The following KDM5A variants were observed in gnomAD, a reference collection of about 807,000 sequenced individuals.
KDM5A encodes lysine-specific demethylase 5A.
Under a neutral mutation model 193.5 loss-of-function variants are expected in KDM5A, and 42 were observed. That is an observed-to-expected ratio of 0.22 (90% CI 0.17 to 0.28). The LOEUF (loss-of-function observed/expected upper bound fraction) is 0.28. KDM5A is among the 10% of genes least tolerant of loss of function. The pLI is 1.00. For missense variants in KDM5A, 1,692 were observed against 2,055.1 expected (o/e 0.82, Z 3.42); for synonymous variants, 796 against 718.1 (o/e 1.11, Z -1.73).
chr12:371,944 T>C (rs1367479692), intron 3 of KDM5A, among the ~76,000 whole-genome samples: 1 of 152,230 alleles, frequency 6.6e-6, no homozygotes, highest in South Asian at 2.1e-4. Context: ...CTCTGTTCTG[T>C]TCCATTGGTC....
chr12:314,697 G>A lies in KDM5A; in HGVS notation c.2898-1503C>T, dbSNP rs372675082. 2.3e-4 allele frequency among the ~76,000 whole-genome samples: 35 copies of A among 152,250 alleles called. No individual in the cohort carries two copies. The South Asian group carries it at 6.8e-3, about 30-fold the overall frequency. ...GAACAAGACTTAATCTGGAAAGCTGGGGCCAGGGGCAGGGTAGGGTTGGTA... is the reference window on the plus strand; with the variant it reads ...GAACAAGACTTAATCTGGAAAGCTGAGGCCAGGGGCAGGGTAGGGTTGGTA... On this transcript the variant is annotated intron_variant, in intron 19 of 27. Transcript: ENST00000399788.
intron 10 of KDM5A, among the ~76,000 whole-genome samples, chr12:349,330 C>CTTTTT (rs749540223): frequency 8.5e-6 from 1 of 117,696 alleles, no homozygotes. Flanking sequence ...ATCTTCTAGA[C>CTTTTT]TTTTTTTTTT....
intron 10 of KDM5A, 116 bp from the exon 11 acceptor site, chr12:334,538 T>C (rs1258963442): frequency 4.0e-6 from 3 of 740,932 alleles, no homozygotes; most frequent in African/African-American, 3.5e-5. Context: ...GTCTAGTGCA[T>C]ACAATCTGTG....
intron 5 of KDM5A, among the ~76,000 whole-genome samples, chr12:360,440 G>C (rs958208610): frequency 6.6e-6 from 1 of 152,180 alleles, no homozygotes. Context: ...CAGAATATAA[G>C]GAGGAAAACC....
At position 285,682 on chromosome 12, in the gene KDM5A, G is replaced by A; in HGVS notation, c.4867-20C>T. 2.5e-6 allele frequency: 4 copies of A among 1,601,012 alleles called. No individual in the cohort carries two copies. The highest frequency in any genetic ancestry group is 3.4e-6 in the Non-Finnish European group (4 of 1,168,224). ...GTCTACCTGTAGGAAACAAGATTGG[G>A]GAATGTTTAGGTTACATAAACATTA... On this transcript the variant is annotated intron_variant, in intron 27 of 27. Coordinates refer to ENST00000399788, the MANE Select transcript of KDM5A (RefSeq NM_001042603.3).
At chr12:366,613 T>C (rs147714239) in intron 3 of KDM5A, among the ~76,000 whole-genome samples, 1,642 of 152,140 alleles carry the variant, frequency 0.011, 14 homozygotes, top group Middle Eastern at 0.027. Context: ...AGGGCAAGAG[T>C]TTTATATGGA....
chr12:322,704 T>A (rs1435300068), intron 16 of KDM5A, 137 bp from the exon 17 acceptor site: 3 of 742,704 alleles, frequency 4.0e-6, no homozygotes, highest in Non-Finnish European at 6.8e-6. Flanking sequence ...CAAACAGCTG[T>A]GAAAATCTCA....
intron 18 of KDM5A, among the ~76,000 whole-genome samples, chr12:320,427 C>T (rs1404816171): frequency 3.3e-5 from 5 of 152,010 alleles, no homozygotes; most frequent in Non-Finnish European, 7.4e-5. Context: ...ACCCAGGAGG[C>T]AGAGGTTGCA....
At position 334,239 on chromosome 12, in the gene KDM5A, A is replaced by G. The variant is rs555625145; in HGVS notation, c.1490+2T>C. ...GCATGCTGTATTTTAGACTGTACAT[A>G]CCAGTGCAAGTAGTTGATGGAATAA... On this transcript the variant is annotated splice_donor_variant, in intron 11 of 27. Coordinates refer to ENST00000399788, the MANE Select transcript of KDM5A (RefSeq NM_001042603.3). LOFTEE classifies it high-confidence loss of function. 1.2e-6 allele frequency: 2 copies of G among 1,613,416 alleles called. No homozygotes were observed. Among genetic ancestry groups the G allele is most frequent in the South Asian group, 2.2e-5 (2 of 91,074 alleles).
At chr12:335,096 T>C (rs889546732) in intron 10 of KDM5A, among the ~76,000 whole-genome samples, 2 of 151,886 alleles carry the variant, frequency 1.3e-5, no homozygotes, top group East Asian at 1.9e-4. Flanking sequence ...CTAGAAATAC[T>C]GGATAAATTA....
At chr12:343,529 G>C (rs907905867) in intron 10 of KDM5A, among the ~76,000 whole-genome samples, 2 of 152,104 alleles carry the variant, frequency 1.3e-5, no homozygotes, top group Non-Finnish European at 2.9e-5. Flanking sequence ...ACTTCATATA[G>C]ACAGCTGCCA....
chr12:293,188 A>G lies in KDM5A; in HGVS notation c.4456-19T>C. The G allele has an allele frequency of 6.2e-7, 1 of 1,601,146 alleles. No individual in the cohort carries two copies. Among genetic ancestry groups the G allele is most frequent in the Non-Finnish European group, 8.5e-7 (1 of 1,170,156 alleles). ...TGTCATCCTTCAAAAATATAAATTT[A>G]GGAACAATTTTAAAGCAAGACAGTT... is the stretch of plus-strand genomic sequence containing the variant. On this transcript the variant is annotated intron_variant, in intron 26 of 27. Transcript: ENST00000399788.
In KDM5A at chr12:293,139, C is replaced by G; in HGVS notation, c.4486G>C (p.Val1496Leu). ...DDSMEEKPLKVKGKDSSEKKR... is the reference protein window; with the variant it reads ...DDSMEEKPLKLKGKDSSEKKR... ...TTCTCTGAAGAGTCCTTTCCTTTCA[C>G]TTTTAGTGGTTTCTCTTCCATGCTG... Residue 1496 changes from valine to leucine, a missense_variant, in exon 27 of 28, where the codon GTG (valine) becomes CTG (leucine). Transcript: ENST00000399788. 1 of 1,611,514 alleles carries G rather than the reference C, an allele frequency of 6.2e-7. No individual in the cohort carries two copies. Among genetic ancestry groups the G allele is most frequent in the Non-Finnish European group, 8.5e-7 (1 of 1,179,454 alleles).
intron 10 of KDM5A, among the ~76,000 whole-genome samples, chr12:344,097 G>C (rs1253917056): frequency 6.6e-6 from 1 of 152,144 alleles, no homozygotes; most frequent in East Asian, 1.9e-4. Context: ...GAAAACCATG[G>C]GACGAGAACT....
In KDM5A at chr12:285,401, C is replaced by G; in HGVS notation, c.*55G>C. The stretch of plus-strand genomic sequence containing the variant: ...GGATATAAACCACTCTACTTGATGA[C>G]TAAGGTCTCAATGTGGTCCATGTCC... On this transcript the variant is annotated 3_prime_UTR_variant, in exon 28 of 28. Coordinates refer to ENST00000399788, the MANE Select transcript of KDM5A (RefSeq NM_001042603.3). The G allele has an allele frequency of 6.8e-7, 1 of 1,463,566 alleles. No homozygotes were observed. Among genetic ancestry groups the G allele is most frequent in the South Asian group, 1.1e-5 (1 of 87,822 alleles). The allele number at this position is 1,463,566 out of a possible 1,614,324, so 90.7% of individuals were successfully genotyped here.
chr12:361,489 C>T (rs537337266), intron 5 of KDM5A, among the ~76,000 whole-genome samples: 30 of 152,208 alleles, frequency 2.0e-4, no homozygotes, highest in African/African-American at 6.3e-4. Flanking sequence ...CCACCATGCC[C>T]GGCCTGTAGT....
chr12:291,406 G>T (rs1461341369), intron 27 of KDM5A, among the ~76,000 whole-genome samples: 2 of 152,168 alleles, frequency 1.3e-5, no homozygotes, highest in African/African-American at 4.8e-5. Context: ...GGTGTTAGTG[G>T]AGAGAACCTG....
intron 22 of KDM5A, among the ~76,000 whole-genome samples, chr12:309,536 T>C (rs1039115907): frequency 1.3e-5 from 2 of 152,198 alleles, no homozygotes; most frequent in Non-Finnish European, 2.9e-5. Context: ...CAGCAAACTA[T>C]GGACAACTTG....
chr12:357,931 G>A (rs1163069086), intron 5 of KDM5A, among the ~76,000 whole-genome samples: 1 of 145,864 alleles, frequency 6.9e-6, no homozygotes, highest in Non-Finnish European at 1.5e-5. Context: ...CTCTGCAACA[G>A]CCATACTACA....
Sources: gnomAD v4.1 joint callset for allele counts (sites outside exome capture counted in the v4.1 genomes callset) on GRCh38, gnomAD v4.1.1 for gene constraint, MANE v1.5 for transcripts, NCBI Gene and HGNC (gene_info 2026-07-23, HGNC 2026-07-21) for gene names.